EHMT1: variants seen among roughly 807,000 people sequenced by gnomAD.
The protein encoded by EHMT1 is euchromatic histone lysine methyltransferase 1, also known as histone-lysine N-methyltransferase EHMT1.
Under a neutral mutation model 147.2 loss-of-function variants are expected in EHMT1, and 15 were observed. The ratio of observed to expected loss-of-function variants is 0.10; its 90% CI spans 0.07 to 0.16. The LOEUF (loss-of-function observed/expected upper bound fraction) is 0.16, where lower values mean the gene tolerates loss of function less well. EHMT1 is among the 10% of genes least tolerant of loss of function. The pLI is 1.00. For missense variants in EHMT1, 1,587 were observed against 1,772.4 expected (o/e 0.90, Z 1.88); for synonymous variants, 795 against 709.6 (o/e 1.12, Z -1.91).
rs374902198 is a variant in EHMT1 at position 137,818,096 on chromosome 9, C to A, written c.3498C>A (p.Asp1166Glu). The A allele has an allele frequency of 6.2e-7, 1 of 1,614,162 alleles. No individual in the cohort carries two copies. The highest frequency in any genetic ancestry group is 8.5e-7 in the Non-Finnish European group (1 of 1,180,022). Residue 1166 changes from aspartate to glutamate, a missense_variant, in exon 25 of 27, where the codon GAC (aspartate) becomes GAA (glutamate). This residue lies in a region of EHMT1 where 156 missense variants were observed against 252.5 expected (regional missense o/e 0.62). Coordinates refer to ENST00000460843, the MANE Select transcript of EHMT1 (RefSeq NM_024757.5). ...VGELISDSEADVREEDSYLFD... is the reference protein window; with the variant it reads ...VGELISDSEAEVREEDSYLFD... ...AGCTGATTTCAGACTCAGAAGCCGA[C>A]GTTCGAGAGGAAGATTCTTACCTCT...
At chr9:137,652,396 A>AT (rs890911501) in intron 1 of EHMT1, among the ~76,000 whole-genome samples, 3 of 140,632 alleles carry the variant, frequency 2.1e-5, no homozygotes, top group Non-Finnish European at 3.1e-5. Flanking sequence ...TCTTAGTTTT[A>AT]TTTTTTTTGA....
intron 1 of EHMT1, among the ~76,000 whole-genome samples, chr9:137,680,370 G>A (rs1335384941): frequency 6.6e-6 from 1 of 152,180 alleles, no homozygotes; most frequent in Non-Finnish European, 1.5e-5. Flanking sequence ...CTACTTGGGA[G>A]GCCGAGGCAT....
At chr9:137,767,112 C>T (rs1950268740) in intron 10 of EHMT1, among the ~76,000 whole-genome samples, 3 of 152,134 alleles carry the variant, frequency 2.0e-5, no homozygotes, top group Non-Finnish European at 2.9e-5. Flanking sequence ...TGTGAGCCAC[C>T]GTGCCCAGCC....
At chr9:137,647,918 C>T (rs1845025830) in intron 1 of EHMT1, among the ~76,000 whole-genome samples, 2 of 152,050 alleles carry the variant, frequency 1.3e-5, no homozygotes, top group Admixed American at 6.6e-5. Context: ...CACTTGCTCT[C>T]GCTCTCTCCT....
At chr9:137,713,749 A>G (rs1944953896) in intron 2 of EHMT1, among the ~76,000 whole-genome samples, 1 of 151,966 alleles carries the variant, frequency 6.6e-6, no homozygotes. Context: ...CAGGAGTTCA[A>G]GAGCAGCCTG....
At chr9:137,752,762 G>A (rs577758454) in intron 7 of EHMT1, among the ~76,000 whole-genome samples, 1 of 152,158 alleles carries the variant, frequency 6.6e-6, no homozygotes, top group Non-Finnish European at 1.5e-5. Flanking sequence ...GTGCGAGAAG[G>A]AAGGGCTGGA....
At chr9:137,666,214 C>T (rs953401627) in intron 1 of EHMT1, among the ~76,000 whole-genome samples, 8 of 152,218 alleles carry the variant, frequency 5.3e-5, no homozygotes, top group African/African-American at 1.7e-4. Flanking sequence ...TCTCTGGTCA[C>T]CCACCATGTG....
Position 137,777,841 on chromosome 9 carries a change from T to C in EHMT1, c.2019-41T>C, listed in dbSNP as rs369460318. The C allele has an allele frequency of 4.3e-6, 7 of 1,609,588 alleles. No individual in the cohort carries two copies. In the African/African-American group the frequency reaches 9.4e-5, roughly 22 times the overall value. On this transcript the variant is annotated intron_variant, in intron 12 of 26. Coordinates refer to ENST00000460843, the MANE Select transcript of EHMT1 (RefSeq NM_024757.5). ...AGTCAGAGTCGGAACAGGCCATGTT[T>C]CGTGTTTTCATAAACCTTTCCCCGA...
intron 25 of EHMT1, chr9:137,832,665 T>C: frequency 6.5e-6 from 1 of 152,858 alleles, no homozygotes; most frequent in Non-Finnish European, 1.5e-5. Flanking sequence ...GTTGTCTTTA[T>C]CTGGTTCTGG....
intron 18 of EHMT1, chr9:137,803,125 G>C (rs1310821736): frequency 8.1e-7 from 1 of 1,229,006 alleles, no homozygotes; most frequent in Non-Finnish European, 1.0e-6. Flanking sequence ...TGTCAGAGCT[G>C]TTAGCTCTCT....
In EHMT1 at chr9:137,788,286, T is replaced by C. The variant is rs545282805; in HGVS notation, c.2383-2562T>C. 2.1e-3 allele frequency: 870 copies of C among 422,012 alleles called. 2 individuals are homozygous for C. Among genetic ancestry groups the C allele is most frequent in the Non-Finnish European group, 2.7e-3 (643 of 238,574 alleles). The allele number at this position is 422,012 out of a possible 1,614,324, so 26.1% of individuals were successfully genotyped here. A position where few individuals can be genotyped will look rare whatever the true frequency, so the allele number is the denominator to read the frequency against. On this transcript the variant is annotated intron_variant, in intron 15 of 26. Transcript: ENST00000460843. The stretch of plus-strand genomic sequence containing the variant: ...GAAGCCATTGCTGGGCGGTGGCAGA[T>C]GACCGAGCGGCTGGTAGGACTGGCA...
intron 6 of EHMT1, chr9:137,745,642 C>G (rs535776410): frequency 2.5e-6 from 1 of 398,080 alleles, no homozygotes; most frequent in Non-Finnish European, 4.4e-6. Flanking sequence ...CAGCAGCTGC[C>G]GCGGTCTCTG....
chr9:137,742,685 G>T (rs1948206997), intron 4 of EHMT1, among the ~76,000 whole-genome samples: 1 of 152,216 alleles, frequency 6.6e-6, no homozygotes, highest in Non-Finnish European at 1.5e-5. Flanking sequence ...AGAGCCCCCA[G>T]ACATTTGCTT....
At chr9:137,620,398 CCT>C (rs1842881996) in intron 1 of EHMT1, among the ~76,000 whole-genome samples, 1 of 152,020 alleles carries the variant, frequency 6.6e-6, no homozygotes, top group Admixed American at 6.6e-5. Flanking sequence ...GCTGTTATTT[CCT>C]TTTTTAAATT....
chr9:137,670,866 C>T (rs535240059), intron 1 of EHMT1, among the ~76,000 whole-genome samples: 1 of 152,312 alleles, frequency 6.6e-6, no homozygotes, highest in South Asian at 2.1e-4. Context: ...CCGCCGTCTT[C>T]CTTCTGGGAG....
In EHMT1 at chr9:137,744,107, TG is replaced by T; in HGVS notation, c.1170+20del. 1 of 1,613,610 alleles carries T rather than the reference TG, an allele frequency of 6.2e-7. No individual in the cohort carries two copies. Among genetic ancestry groups the T allele is most frequent in the South Asian group, 1.1e-5 (1 of 91,078 alleles). On this transcript the variant is annotated intron_variant, in intron 6 of 26. Transcript: ENST00000460843. ...GCCCAGAAGGTATGTGTTGCTGTCT[TG>T]GGTGACAGCACAAGGAAAGAGCATC...
At chr9:137,764,716 TTC>T (rs994055408) in intron 10 of EHMT1, 1 of 152,372 alleles carries the variant, frequency 6.6e-6, no homozygotes, top group African/African-American at 2.4e-5. Context: ...TTTACTTTTT[TTC>T]TCTCTTTCTA....
At chr9:137,768,031 A>C (rs1003783035) in intron 10 of EHMT1, among the ~76,000 whole-genome samples, 3 of 152,202 alleles carry the variant, frequency 2.0e-5, no homozygotes, top group Non-Finnish European at 1.5e-5. Flanking sequence ...TATTCAGTAC[A>C]GTCATGTTTG....
chr9:137,651,068 CA>C (rs1427458907), intron 1 of EHMT1: 1 of 151,870 alleles, frequency 6.6e-6, no homozygotes, highest in East Asian at 1.9e-4. Flanking sequence ...CTATCTCAAA[CA>C]AAACAAAACA....
Sources: allele counts gnomAD v4.1 joint callset (sites outside exome capture counted in the v4.1 genomes callset), GRCh38; gene constraint gnomAD v4.1.1; regional missense constraint gnomAD v4.1.1; transcripts MANE v1.5; gene names NCBI Gene and HGNC (gene_info 2026-07-23, HGNC 2026-07-21).